The following NRG3 variants were observed in gnomAD, a reference collection of about 807,000 sequenced individuals.
The protein encoded by NRG3 is neuregulin 3, also known as pro-neuregulin-3, membrane-bound isoform.
Under a neutral mutation model 66.9 loss-of-function variants are expected in NRG3, and 31 were observed. The observed-to-expected ratio is 0.46, with a 90% CI of 0.35 to 0.63. The LOEUF (loss-of-function observed/expected upper bound fraction) is 0.63. Among genes scored for constraint, NRG3 ranks in the 20% least tolerant of loss-of-function variants. The pLI, the probability that NRG3 is intolerant of heterozygous loss-of-function variation, is 0.00. For synonymous variants in NRG3, 393 were observed against 359.4 expected, an observed-to-expected ratio of 1.09 and a Z score of -1.06; for missense variants, 910 against 878.9, an observed-to-expected ratio of 1.04 and a Z score of -0.45.
chr10:82,463,387 C>T (rs1467246928), intron 2 of NRG3, among the ~76,000 whole-genome samples: 1 of 152,170 alleles, frequency 6.6e-6, no homozygotes, highest in Non-Finnish European at 1.5e-5. Flanking sequence ...CTCTCTCTGT[C>T]TTCTCTCAAT....
chr10:82,037,891 C>T (rs567576123), intron 1 of NRG3, among the ~76,000 whole-genome samples: 14 of 151,452 alleles, frequency 9.2e-5, no homozygotes, highest in African/African-American at 2.4e-4. Context: ...AAGTCAACTT[C>T]GTAAGGGTTG....
chr10:82,957,894 G>A (rs932496639), intron 5 of NRG3, among the ~76,000 whole-genome samples: 32 of 1,908 alleles, frequency 0.017, no homozygotes, highest in Middle Eastern at 0.1. Context: ...AGAGGTGTGC[G>A]TGTGTGTGTG....
chr10:82,923,089 C>A (rs747187231), intron 4 of NRG3, among the ~76,000 whole-genome samples: 39 of 152,232 alleles, frequency 2.6e-4, no homozygotes, highest in Non-Finnish European at 4.7e-4. Context: ...AATCCATTCT[C>A]CACAGAACAA....
intron 2 of NRG3, among the ~76,000 whole-genome samples, chr10:82,693,366 CA>C: frequency 6.6e-6 from 1 of 151,984 alleles, no homozygotes; most frequent in Non-Finnish European, 1.5e-5. Flanking sequence ...TTTAAAAGAG[CA>C]AAGGAATCAT....
intron 1 of NRG3, among the ~76,000 whole-genome samples, chr10:81,892,004 G>A (rs1475606293): frequency 6.6e-6 from 1 of 152,096 alleles, no homozygotes; most frequent in Non-Finnish European, 1.5e-5. Context: ...TTTTGTTTTT[G>A]TTTGGTTAGT....
At chr10:82,174,225 A>G (rs1162800795) in intron 1 of NRG3, among the ~76,000 whole-genome samples, 3 of 152,144 alleles carry the variant, frequency 2.0e-5, no homozygotes, top group Non-Finnish European at 4.4e-5. Flanking sequence ...ACACACATCA[A>G]TTCCAAATTG....
chr10:82,785,546 G>A (rs2060321438), intron 3 of NRG3, among the ~76,000 whole-genome samples: 1 of 152,040 alleles, frequency 6.6e-6, no homozygotes, highest in Non-Finnish European at 1.5e-5. Flanking sequence ...ATTGAAAAAT[G>A]GAGTAAATAC....
chr10:82,659,465 A>G (rs1205240848), intron 2 of NRG3, among the ~76,000 whole-genome samples: 2 of 152,116 alleles, frequency 1.3e-5, no homozygotes, highest in African/African-American at 4.8e-5. Context: ...CACATGGTGA[A>G]ACCCCATCTC....
chr10:82,151,648 GCTTTATTCTCT>G (rs1179205995), intron 1 of NRG3, among the ~76,000 whole-genome samples: 1 of 152,098 alleles, frequency 6.6e-6, no homozygotes, highest in Non-Finnish European at 1.5e-5. Flanking sequence ...ATCTAATAAA[GCTTTATTCTCT>G]CTGGTCTTGA....
chr10:82,099,662 A>G (rs2066601991), intron 1 of NRG3, among the ~76,000 whole-genome samples: 2 of 152,254 alleles, frequency 1.3e-5, no homozygotes, highest in South Asian at 4.1e-4. Flanking sequence ...TTTTAGGAAC[A>G]TTGATATCTT....
chr10:81,911,204 G>A (rs1845107926), intron 1 of NRG3, among the ~76,000 whole-genome samples: 1 of 152,100 alleles, frequency 6.6e-6, no homozygotes, highest in Admixed American at 6.5e-5. Context: ...TTCGGCATTT[G>A]GCCAAATATT....
chr10:82,290,809 T>TC (rs952662387), intron 1 of NRG3, among the ~76,000 whole-genome samples: 5 of 150,930 alleles, frequency 3.3e-5, no homozygotes, highest in Admixed American at 2.6e-4. Context: ...AATTTTTTTT[T>TC]TTTTTGTATT....
At chr10:82,319,970 A>G (rs965034282) in intron 1 of NRG3, among the ~76,000 whole-genome samples, 1 of 152,134 alleles carries the variant, frequency 6.6e-6, no homozygotes, top group African/African-American at 2.4e-5. Flanking sequence ...TACTAACTCT[A>G]CTTTTCAAAG....
At chr10:82,907,401 C>T (rs754227082) in intron 4 of NRG3, among the ~76,000 whole-genome samples, 3 of 152,154 alleles carry the variant, frequency 2.0e-5, no homozygotes, top group South Asian at 2.1e-4. Flanking sequence ...TAACAGTTTG[C>T]GAATCATGGA....
intron 1 of NRG3, among the ~76,000 whole-genome samples, chr10:82,122,415 A>T (rs909633924): frequency 5.3e-5 from 8 of 152,078 alleles, no homozygotes; most frequent in African/African-American, 1.9e-4. Context: ...TCGGACTGGT[A>T]TGTTAGTGTG....
Position 81,955,118 on chromosome 10 carries a change from A to G in NRG3, c.823+78955A>G, listed in dbSNP as rs1008338095. Among the ~76,000 whole-genome samples, 7 of 148,650 alleles carry G rather than the reference A, an allele frequency of 4.7e-5. No individual in the cohort carries two copies. In the East Asian group the frequency reaches 1.2e-3, roughly 25 times the overall value. ...ATATATGTTTGTTCTGTTATATTAGACATATACCTGTTATATAATATATAT... is the reference window on the plus strand; with the variant it reads ...ATATATGTTTGTTCTGTTATATTAGGCATATACCTGTTATATAATATATAT... On this transcript the variant is annotated intron_variant, in intron 1 of 8. Transcript: ENST00000372141.
intron 2 of NRG3, among the ~76,000 whole-genome samples, chr10:82,710,544 C>T (rs1448462478): frequency 1.6e-5 from 2 of 128,836 alleles, no homozygotes; most frequent in African/African-American, 3.0e-5. Flanking sequence ...CGAGATCGCA[C>T]GACTGCACTC....
chr10:82,717,787 G>A (rs2057064013), intron 2 of NRG3, among the ~76,000 whole-genome samples: 2 of 151,974 alleles, frequency 1.3e-5, no homozygotes, highest in Admixed American at 1.3e-4. Flanking sequence ...GGGTTCTTGG[G>A]CTTCTACTGT....
At chr10:82,243,513 G>A (rs943585354) in intron 1 of NRG3, among the ~76,000 whole-genome samples, 3 of 151,966 alleles carry the variant, frequency 2.0e-5, no homozygotes, top group Admixed American at 2.0e-4. Context: ...AAAATTTAAG[G>A]TCTTTAGAAA....
Sources: gnomAD v4.1 joint callset for allele counts (sites outside exome capture counted in the v4.1 genomes callset) on GRCh38, gnomAD v4.1.1 for gene constraint, MANE v1.5 for transcripts, NCBI Gene and HGNC (gene_info 2026-07-23, HGNC 2026-07-21) for gene names.